CCNY: variants seen among roughly 807,000 people sequenced by gnomAD.
CCNY encodes cyclin-Y.
CCNY carries 19 observed loss-of-function variants against 42.8 expected under a neutral mutation model. The observed-to-expected ratio is 0.44, with a 90% CI of 0.31 to 0.65. The LOEUF (loss-of-function observed/expected upper bound fraction) is 0.65. Among genes scored for constraint, CCNY ranks in the 30% least tolerant of loss-of-function variants. CCNY has a pLI of 0.07. For missense variants in CCNY, 370 were observed against 437.3 expected (o/e 0.85, Z 1.37); for synonymous variants, 165 against 162.7 (o/e 1.01, Z -0.11).
chr10:35,318,101 G>A (rs892789609), intron 3 of CCNY, among the ~76,000 whole-genome samples: 4 of 152,010 alleles, frequency 2.6e-5, no homozygotes, highest in African/African-American at 9.7e-5. Flanking sequence ...GGTTGTGTGT[G>A]TCTATAGTCC....
At position 35,569,255 on chromosome 10, in the gene CCNY, G is replaced by C; in HGVS notation, c.*85G>C. On this transcript the variant is annotated 3_prime_UTR_variant, in exon 10 of 10. Coordinates refer to ENST00000374704, the MANE Select transcript of CCNY (RefSeq NM_145012.6). ...ACAGACTTGGGGTGGGTTTGTTTTT[G>C]TTTTTTCTTTCCTTTTCTTTTTTTA... 1.1e-6 allele frequency: 1 copy of C among 877,278 alleles called. No homozygotes were observed. Among genetic ancestry groups the C allele is most frequent in the Non-Finnish European group, 1.9e-6 (1 of 533,568 alleles). 54.3% of individuals were successfully genotyped at this position (877,278 alleles called of 1,614,324 possible). A position where few individuals can be genotyped will look rare whatever the true frequency, so the allele number is the denominator to read the frequency against.
At position 35,302,530 on chromosome 10, in the gene CCNY, C is replaced by T. The variant is rs1348578454; in HGVS notation, c.-9+51904C>T. Among the ~76,000 whole-genome samples, 6 of 151,862 alleles carry T rather than the reference C, an allele frequency of 4.0e-5. No individual in the cohort carries two copies. The South Asian group carries it at 6.2e-4, about 16-fold the overall frequency. ...TTCTCCATGTTGGCCAGGCTGGTCT[C>T]GAACTCCTGACCTCAGGCGATCCAC... On this transcript the variant is annotated intron_variant, in intron 3 of 11. Coordinates refer to the CCNY transcript ENST00000374706.
At chr10:35,318,447 CT>C (rs1241380929) in intron 3 of CCNY, among the ~76,000 whole-genome samples, 2 of 152,056 alleles carry the variant, frequency 1.3e-5, no homozygotes, top group African/African-American at 2.4e-5. Context: ...CCTATATCTA[CT>C]GAGGAGAGAT....
chr10:35,513,118 A>G (rs978309606), intron 3 of CCNY, among the ~76,000 whole-genome samples: 3 of 152,198 alleles, frequency 2.0e-5, no homozygotes, highest in Non-Finnish European at 4.4e-5. Context: ...GATGTAAATC[A>G]TATTTTGTAC....
chr10:35,345,894 C>T (rs1398145327), intron 1 of CCNY, among the ~76,000 whole-genome samples: 1 of 152,120 alleles, frequency 6.6e-6, no homozygotes, highest in Non-Finnish European at 1.5e-5. Context: ...AGTGTGATGC[C>T]ACACAGGAGC....
chr10:35,324,019 A>G (rs1470831267), intron 3 of CCNY, among the ~76,000 whole-genome samples: 1 of 59,854 alleles, frequency 1.7e-5, no homozygotes, highest in African/African-American at 7.4e-5. Flanking sequence ...CTTTGCCTCA[A>G]AAAAAAAAAA....
intron 1 of CCNY, among the ~76,000 whole-genome samples, chr10:35,386,227 C>T (rs1210032486): frequency 1.3e-5 from 2 of 152,262 alleles, no homozygotes; most frequent in Non-Finnish European, 1.5e-5. Flanking sequence ...ATCTTCGTAT[C>T]GTGTCAGAGT....
intron 7 of CCNY, among the ~76,000 whole-genome samples, chr10:35,532,596 C>T (rs1002787335): frequency 1.9e-4 from 29 of 152,230 alleles, no homozygotes; most frequent in African/African-American, 3.6e-4. Context: ...CCTATGGATA[C>T]TGCCACATGA....
chr10:35,394,401 G>A (rs1482749280), intron 1 of CCNY, among the ~76,000 whole-genome samples: 1 of 152,206 alleles, frequency 6.6e-6, no homozygotes, highest in Non-Finnish European at 1.5e-5. Context: ...GCTGTGAAAA[G>A]CCTAGTAATT....
At chr10:35,564,686 A>T (rs1841534132) in intron 8 of CCNY, among the ~76,000 whole-genome samples, 1 of 152,108 alleles carries the variant, frequency 6.6e-6, no homozygotes, top group South Asian at 2.1e-4. Context: ...ACTCACAGGA[A>T]ATGGTGACTG....
exon 2 of CCNY, chr10:35,248,202 T>G (rs2095709557): frequency 1.3e-5 from 2 of 152,386 alleles, no homozygotes. Context: ...CCAGAGCTTT[T>G]TGCTACCAGG....
chr10:35,260,258 A>G (rs2095718581), intron 3 of CCNY, among the ~76,000 whole-genome samples: 1 of 152,186 alleles, frequency 6.6e-6, no homozygotes, highest in East Asian at 1.9e-4. Flanking sequence ...ACAGGACCAC[A>G]GGGAGAAAAG....
At chr10:35,543,854 T>C (rs1381295026) in intron 7 of CCNY, among the ~76,000 whole-genome samples, 3 of 152,244 alleles carry the variant, frequency 2.0e-5, no homozygotes, top group Non-Finnish European at 4.4e-5. Context: ...ACAGCGATAT[T>C]GATCATCCTC....
intron 3 of CCNY, among the ~76,000 whole-genome samples, chr10:35,309,356 G>T (rs1835653737): frequency 6.6e-6 from 1 of 152,238 alleles, no homozygotes; most frequent in Non-Finnish European, 1.5e-5. Context: ...TTCCCCACCT[G>T]CCTCTGGGTG....
rs140579161 is a variant in CCNY, at chr10:35,383,753, T to G, written c.154+46546T>G. 1.9e-3 allele frequency among the ~76,000 whole-genome samples: 295 copies of G among 152,338 alleles called. 1 individual carries two copies. The highest frequency in any genetic ancestry group is 6.7e-3 in the African/African-American group (279 of 41,574). ...TTTTTGATAAAGGGATCGGGGAATC[T>G]TGTTTTAACATAATAGTCCTAGATG... On this transcript the variant is annotated intron_variant, in intron 1 of 9. Coordinates refer to ENST00000374704, the MANE Select transcript of CCNY (RefSeq NM_145012.6).
chr10:35,328,293 G>T (rs183070573), intron 3 of CCNY, among the ~76,000 whole-genome samples: 1 of 152,084 alleles, frequency 6.6e-6, no homozygotes, highest in African/African-American at 2.4e-5. Context: ...CAGATGTTAC[G>T]GAACTGATCT....
intron 1 of CCNY, among the ~76,000 whole-genome samples, chr10:35,361,705 G>A (rs1411580796): frequency 6.6e-6 from 1 of 152,158 alleles, no homozygotes; most frequent in Non-Finnish European, 1.5e-5. Context: ...CATCTACTGA[G>A]AACCATATTA....
chr10:35,568,806 T>C (rs1841624507), intron 9 of CCNY, among the ~76,000 whole-genome samples: 1 of 152,204 alleles, frequency 6.6e-6, no homozygotes, highest in Non-Finnish European at 1.5e-5. Flanking sequence ...GACTGTGAGG[T>C]GACACTGTAC....
At chr10:35,437,403 C>T (rs1838560978) in intron 1 of CCNY, among the ~76,000 whole-genome samples, 1 of 152,152 alleles carries the variant, frequency 6.6e-6, no homozygotes, top group Admixed American at 6.5e-5. Flanking sequence ...GTATCATTTT[C>T]AGGCACTTTG....
Sources: gnomAD v4.1 joint callset for allele counts (sites outside exome capture counted in the v4.1 genomes callset) on GRCh38, gnomAD v4.1.1 for gene constraint, MANE v1.5 for transcripts, NCBI Gene and HGNC (gene_info 2026-07-23, HGNC 2026-07-21) for gene names.